The following GMDS variants were observed in gnomAD, a reference collection of about 807,000 sequenced individuals.
The protein encoded by GMDS is GDP-mannose 4,6-dehydratase.
GMDS carries 20 observed loss-of-function variants against 49.9 expected under a neutral mutation model. The ratio of observed to expected loss-of-function variants is 0.40; its 90% CI spans 0.28 to 0.58. The LOEUF (loss-of-function observed/expected upper bound fraction) is 0.58, where lower values mean the gene tolerates loss of function less well. Ranked by LOEUF, GMDS falls within the 20% of genes least tolerant of loss-of-function variation. GMDS has a pLI of 0.42. For synonymous variants in GMDS, 177 were observed against 178.6 expected, an observed-to-expected ratio of 0.99 and a Z score of 0.07; for missense variants, 362 against 481.4, an observed-to-expected ratio of 0.75 and a Z score of 2.32.
At chr6:1,709,410 T>C (rs183152970) in intron 9 of GMDS, among the ~76,000 whole-genome samples, 6 of 152,354 alleles carry the variant, frequency 3.9e-5, no homozygotes, top group South Asian at 2.1e-4. Context: ...CTTGGGCAAG[T>C]CACTCGGCTT....
chr6:2,197,172 A>G (rs2127573424), intron 1 of GMDS, among the ~76,000 whole-genome samples: 1 of 152,330 alleles, frequency 6.6e-6, no homozygotes. Context: ...AACTGTTCCC[A>G]TTACTGGCTT....
chr6:2,129,268 C>T (rs1323778719), intron 1 of GMDS, among the ~76,000 whole-genome samples: 4 of 152,090 alleles, frequency 2.6e-5, no homozygotes, highest in Non-Finnish European at 5.9e-5. Flanking sequence ...ACACATCCCC[C>T]ACACACACCC....
At chr6:2,001,441 A>G (rs1325294636) in intron 4 of GMDS, among the ~76,000 whole-genome samples, 1 of 152,168 alleles carries the variant, frequency 6.6e-6, no homozygotes, top group Non-Finnish European at 1.5e-5. Context: ...GTGGGTTGCC[A>G]TTCTCTTTCT....
chr6:2,085,689 G>A (rs535530615), intron 4 of GMDS, among the ~76,000 whole-genome samples: 89 of 151,814 alleles, frequency 5.9e-4, no homozygotes, highest in Non-Finnish European at 1.1e-3. Context: ...CCACCACACC[G>A]GCTAATTTTT....
chr6:1,806,173 T>C (rs1437133969), intron 7 of GMDS, among the ~76,000 whole-genome samples: 1 of 152,162 alleles, frequency 6.6e-6, no homozygotes, highest in Non-Finnish European at 1.5e-5. Flanking sequence ...AATCAACTTT[T>C]CTCTCCAAGT....
chr6:1,699,744 T>G (rs1765474476), intron 9 of GMDS, among the ~76,000 whole-genome samples: 1 of 152,138 alleles, frequency 6.6e-6, no homozygotes, highest in Non-Finnish European at 1.5e-5. Context: ...CAATCCCATT[T>G]GCAAAGTCTC....
At chr6:1,945,883 G>A (rs936812049) in intron 6 of GMDS, among the ~76,000 whole-genome samples, 3 of 152,128 alleles carry the variant, frequency 2.0e-5, no homozygotes, top group African/African-American at 7.2e-5. Flanking sequence ...AAAACCGAAG[G>A]TATCTGTCAT....
intron 7 of GMDS, among the ~76,000 whole-genome samples, chr6:1,863,495 C>T (rs1218635909): frequency 6.6e-6 from 1 of 151,932 alleles, no homozygotes; most frequent in Non-Finnish European, 1.5e-5. Context: ...TGTGTGCGTG[C>T]ATGTGTGTGT....
intron 1 of GMDS, among the ~76,000 whole-genome samples, chr6:2,155,529 A>G (rs1409507855): frequency 1.3e-5 from 2 of 152,138 alleles, no homozygotes; most frequent in African/African-American, 4.8e-5. Context: ...CTTCCTTACC[A>G]CCAATATATG....
intron 4 of GMDS, among the ~76,000 whole-genome samples, chr6:1,998,718 A>C (rs547885398): frequency 6.6e-6 from 1 of 152,244 alleles, no homozygotes; most frequent in Non-Finnish European, 1.5e-5. Context: ...GATTTGAAAA[A>C]TACAGCAGGA....
At chr6:1,912,842 C>T (rs1224064048) in intron 7 of GMDS, among the ~76,000 whole-genome samples, 2 of 152,120 alleles carry the variant, frequency 1.3e-5, no homozygotes, top group Non-Finnish European at 2.9e-5. Context: ...AGAATTTCAA[C>T]CTCATGCACA....
At chr6:2,188,554 T>C (rs1206319586) in intron 1 of GMDS, among the ~76,000 whole-genome samples, 1 of 152,242 alleles carries the variant, frequency 6.6e-6, no homozygotes, top group East Asian at 1.9e-4. Context: ...CAATGAAGTA[T>C]GTTCCAGGTA....
chr6:2,201,253 G>C (rs570673939), intron 1 of GMDS, among the ~76,000 whole-genome samples: 1 of 142,246 alleles, frequency 7.0e-6, no homozygotes, highest in South Asian at 2.4e-4. Flanking sequence ...AGTGAGGGCA[G>C]CATGTTAGCA....
At chr6:2,214,613 T>C (rs1203855170) in intron 1 of GMDS, among the ~76,000 whole-genome samples, 1 of 152,162 alleles carries the variant, frequency 6.6e-6, no homozygotes, top group African/African-American at 2.4e-5. Flanking sequence ...TCTGCGAGGG[T>C]CCTGGAATCT....
intron 9 of GMDS, among the ~76,000 whole-genome samples, chr6:1,650,703 G>A (rs1234095630): frequency 6.6e-6 from 1 of 152,102 alleles, no homozygotes; most frequent in Non-Finnish European, 1.5e-5. Context: ...AGCCTCTCGA[G>A]TAGCTGGATT....
chr6:2,140,418 T>A (rs1776228596), intron 1 of GMDS, among the ~76,000 whole-genome samples: 1 of 152,188 alleles, frequency 6.6e-6, no homozygotes, highest in African/African-American at 2.4e-5. Context: ...ATTTTGGACA[T>A]CCAGAACTGT....
At chr6:2,086,240 A>T (rs1219612559) in intron 4 of GMDS, among the ~76,000 whole-genome samples, 1 of 152,236 alleles carries the variant, frequency 6.6e-6, no homozygotes, top group Admixed American at 6.5e-5. Context: ...TGAGGCAGTA[A>T]CTATCTATGT....
intron 7 of GMDS, among the ~76,000 whole-genome samples, chr6:1,802,324 A>G (rs1331145543): frequency 6.6e-6 from 1 of 152,262 alleles, no homozygotes; most frequent in Non-Finnish European, 1.5e-5. Flanking sequence ...ACTGAAGGAC[A>G]AGACAGCAAT....
intron 9 of GMDS, 145 bp downstream of exon 9, chr6:1,726,271 T>C (rs1023825113): frequency 7.9e-6 from 5 of 635,482 alleles, no homozygotes; most frequent in Non-Finnish European, 1.4e-5. Context: ...GAATTCACTG[T>C]GTTCTGATTT....
Sources: gnomAD v4.1 joint callset for allele counts (sites outside exome capture counted in the v4.1 genomes callset) on GRCh38, gnomAD v4.1.1 for gene constraint, MANE v1.5 for transcripts, NCBI Gene and HGNC (gene_info 2026-07-23, HGNC 2026-07-21) for gene names.